FAM219A: variants seen among roughly 807,000 people sequenced by gnomAD.
The protein encoded by FAM219A is family with sequence similarity 219 member A, also known as protein FAM219A.
In FAM219A, 7 loss-of-function variants were observed where a neutral mutation model predicts 23.4. The ratio of observed to expected loss-of-function variants is 0.30; its 90% CI spans 0.17 to 0.56. FAM219A has a LOEUF of 0.56. Ranked by LOEUF, FAM219A falls within the 20% of genes least tolerant of loss-of-function variation. The pLI is 0.92. For missense variants in FAM219A, 166 were observed against 246.9 expected (o/e 0.67, Z 2.20); for synonymous variants, 93 against 99.0 (o/e 0.94, Z 0.36).
At chr9:34,448,763 A>T (rs1823456803) in intron 1 of FAM219A, among the ~76,000 whole-genome samples, 1 of 152,184 alleles carries the variant, frequency 6.6e-6, no homozygotes, top group African/African-American at 2.4e-5. Flanking sequence ...AAAAATGAGA[A>T]ATAGAACTAG....
intron 1 of FAM219A, among the ~76,000 whole-genome samples, chr9:34,451,295 C>G (rs952160876): frequency 1.3e-5 from 2 of 152,134 alleles, no homozygotes; most frequent in African/African-American, 4.8e-5. Context: ...TGGTTCCCCT[C>G]CTTCCTTCCT....
chr9:34,451,267 CA>C (rs1379426803), intron 1 of FAM219A, among the ~76,000 whole-genome samples: 1 of 152,182 alleles, frequency 6.6e-6, no homozygotes, highest in Non-Finnish European at 1.5e-5. Flanking sequence ...AACTCCAGAG[CA>C]GACTCAAATC....
At chr9:34,451,988 T>C (rs368698534) in intron 1 of FAM219A, among the ~76,000 whole-genome samples, 1 of 152,080 alleles carries the variant, frequency 6.6e-6, no homozygotes. Context: ...AAAAAACCCA[T>C]AGATTTGACT....
rs570905231 is a variant in FAM219A at position 34,405,711 on chromosome 9, A to G, written c.160+154T>C. On this transcript the variant is annotated intron_variant, in intron 2 of 5. Transcript: ENST00000651358. The stretch of plus-strand genomic sequence containing the variant: ...AACTGTAACTGCCCTCTTTGCCTGC[A>G]GGAGACAAGGTGCCTCGCAGTGCCA... 1.4e-4 allele frequency among the ~76,000 whole-genome samples: 22 copies of G among 152,254 alleles called. No individual in the cohort carries two copies. The South Asian group carries it at 4.4e-3, about 30-fold the overall frequency.
At chr9:34,403,054 G>A (rs1821510914) in intron 2 of FAM219A, among the ~76,000 whole-genome samples, 1 of 152,196 alleles carries the variant, frequency 6.6e-6, no homozygotes, top group African/African-American at 2.4e-5. Context: ...CAACTCCCAT[G>A]TTAGGGTAGT....
chr9:34,427,880 G>C (rs1822544036), intron 1 of FAM219A, among the ~76,000 whole-genome samples: 2 of 152,172 alleles, frequency 1.3e-5, no homozygotes, highest in Admixed American at 1.3e-4. Context: ...TCACCTGAAG[G>C]CTTGGCCTAG....
chr9:34,455,406 C>A (rs886950842), intron 1 of FAM219A, among the ~76,000 whole-genome samples: 6 of 151,812 alleles, frequency 4.0e-5, no homozygotes, highest in African/African-American at 1.2e-4. Flanking sequence ...TATCCAAATA[C>A]CCTTAAAGAG....
At chr9:34,412,756 T>A (rs1195912666) in intron 1 of FAM219A, among the ~76,000 whole-genome samples, 3 of 152,146 alleles carry the variant, frequency 2.0e-5, no homozygotes, top group Non-Finnish European at 2.9e-5. Flanking sequence ...CAGTGTCAAA[T>A]AAGCAGGTGG....
At position 34,458,453 on chromosome 9, in the gene FAM219A, G is replaced by T; in HGVS notation, c.-190C>A. 5.5e-6 allele frequency: 2 copies of T among 361,672 alleles called. No individual in the cohort carries two copies. The highest frequency in any genetic ancestry group is 5.1e-5 in the East Asian group (1 of 19,718). The allele number at this position is 361,672 out of a possible 1,614,324, so 22.4% of individuals were successfully genotyped here. On this transcript the variant is annotated 5_prime_UTR_variant, in exon 1 of 6. Coordinates refer to ENST00000651358, the MANE Select transcript of FAM219A (RefSeq NM_001184940.2). The surrounding 1 kb of genome is among the most constrained non-coding windows in gnomAD (Gnocchi z 6.6). Reference sequence around the variant, plus strand: ...GGTTCGCAGACTGGCTGAGGCCGGCGTGACTCCGTGGGCTTGCCTAGCACT... The same window carrying T: ...GGTTCGCAGACTGGCTGAGGCCGGCTTGACTCCGTGGGCTTGCCTAGCACT...
intron 1 of FAM219A, among the ~76,000 whole-genome samples, chr9:34,410,306 G>T (rs1245055512): frequency 6.6e-6 from 1 of 152,166 alleles, no homozygotes; most frequent in Non-Finnish European, 1.5e-5. Context: ...ACAATGGTAG[G>T]CTGGGACCCA....
chr9:34,421,170 G>T (rs1429690711), intron 1 of FAM219A, among the ~76,000 whole-genome samples: 3 of 152,158 alleles, frequency 2.0e-5, no homozygotes, highest in Admixed American at 1.3e-4. Context: ...CTGGGGGCCA[G>T]CCTGGGGTCA....
intron 1 of FAM219A, among the ~76,000 whole-genome samples, chr9:34,421,009 T>TGTGAGAGAGAGAGAGAGAGAGAGA (rs1554677406): frequency 1.2e-5 from 1 of 86,358 alleles, no homozygotes; most frequent in Non-Finnish European, 2.2e-5. Context: ...TGTGTGTGTG[T>TGTGAGAGAGAGAGAGAGAGAGAGA]GAGAGAGAGA....
intron 1 of FAM219A, among the ~76,000 whole-genome samples, chr9:34,455,082 G>A (rs962703373): frequency 6.6e-5 from 10 of 152,158 alleles, no homozygotes; most frequent in Non-Finnish European, 1.2e-4. Context: ...GGGCTCAAGG[G>A]CAGGGTCACA....
rs1822086069 is a variant in FAM219A at position 34,417,657 on chromosome 9, T to A, written c.61-11693A>T. ...ATGCCTCCTGTCATGACTGAGAGTA[T>A]AGCTGGTTTTTAATGCTTTATTTTT... On this transcript the variant is annotated intron_variant, in intron 1 of 5. Coordinates refer to ENST00000651358, the MANE Select transcript of FAM219A (RefSeq NM_001184940.2). This position sits in a 1 kb window ranked among gnomAD's most constrained non-coding sequence, Gnocchi z 4.1. Among the ~76,000 whole-genome samples, 1 of 152,228 alleles carries A rather than the reference T, an allele frequency of 6.6e-6. No individual in the cohort carries two copies. The highest frequency in any genetic ancestry group is 1.5e-5 in the Non-Finnish European group (1 of 68,040).
At chr9:34,453,914 T>C (rs1823646971) in intron 1 of FAM219A, among the ~76,000 whole-genome samples, 1 of 152,192 alleles carries the variant, frequency 6.6e-6, no homozygotes, top group Non-Finnish European at 1.5e-5. Context: ...ACAAACAATA[T>C]ACCGAACTCA....
At chr9:34,422,178 A>G (rs1250380046) in intron 1 of FAM219A, among the ~76,000 whole-genome samples, 1 of 152,216 alleles carries the variant, frequency 6.6e-6, no homozygotes, top group East Asian at 1.9e-4. Context: ...GGAACAATTT[A>G]GCCCAGGTGT....
chr9:34,448,464 C>A (rs974893999), intron 1 of FAM219A, among the ~76,000 whole-genome samples: 8 of 152,194 alleles, frequency 5.3e-5, no homozygotes, highest in African/African-American at 1.9e-4. Context: ...AACTACTGAT[C>A]AAGGGGCATT....
At chr9:34,437,956 G>T (rs1332315782) in intron 1 of FAM219A, among the ~76,000 whole-genome samples, 1 of 151,766 alleles carries the variant, frequency 6.6e-6, no homozygotes. Flanking sequence ...CGGGCTGCGC[G>T]TGGCGCTTGC....
chr9:34,421,750 C>A (rs1822293559), intron 1 of FAM219A, among the ~76,000 whole-genome samples: 1 of 151,852 alleles, frequency 6.6e-6, no homozygotes, highest in African/African-American at 2.4e-5. Flanking sequence ...GACACACCTG[C>A]ACTGTCTCAA....
Sources: allele counts gnomAD v4.1 joint callset (sites outside exome capture counted in the v4.1 genomes callset), GRCh38; gene constraint gnomAD v4.1.1; non-coding constraint Gnocchi (gnomAD v3.1); transcripts MANE v1.5; gene names NCBI Gene and HGNC (gene_info 2026-07-23, HGNC 2026-07-21).